MED13L: variants seen among roughly 807,000 people sequenced by gnomAD.
The protein encoded by MED13L is mediator complex subunit 13L.
A neutral mutation model predicts 220.9 loss-of-function variants in MED13L; 7 were observed. That is an observed-to-expected ratio of 0.03 (90% CI 0.02 to 0.06). The LOEUF (loss-of-function observed/expected upper bound fraction) is 0.06, where lower values mean the gene tolerates loss of function less well. MED13L is among the 10% of genes least tolerant of loss of function. The probability of loss-of-function intolerance (pLI) is 1.00; values close to 1 mark genes in which losing one functional copy is unlikely to be tolerated. For missense variants in MED13L, 1,965 were observed against 2,760.5 expected (o/e 0.71, Z 6.46); for synonymous variants, 1,011 against 1,015.2 (o/e 1.00, Z 0.08).
intron 4 of MED13L, among the ~76,000 whole-genome samples, chr12:116,064,116 G>A (rs1246263123): frequency 6.6e-6 from 1 of 152,048 alleles, no homozygotes; most frequent in East Asian, 1.9e-4. Flanking sequence ...CTTGAACCTT[G>A]AGGTTGAGTC....
Position 116,107,814 on chromosome 12 carries a change from G to A in MED13L, c.395+3614C>T, listed in dbSNP as rs1162266515. On this transcript the variant is annotated intron_variant, in intron 3 of 30. Coordinates refer to ENST00000281928, the MANE Select transcript of MED13L (RefSeq NM_015335.5). ...CTGTTTTAATATCCTCAGTTGGGCC[G>A]GGCGCCGTGGCTCATGCCTGCAATC... 5.9e-5 allele frequency among the ~76,000 whole-genome samples: 9 copies of A among 152,186 alleles called. No homozygotes were observed. The South Asian group carries it at 6.2e-4, about 11-fold the overall frequency.
intron 25 of MED13L, 140 bp from the exon 26 acceptor site, chr12:115,972,376 C>T (rs1311676248): frequency 3.9e-5 from 36 of 930,144 alleles, no homozygotes; most frequent in Middle Eastern, 6.2e-4. Context: ...ATATGTTCCC[C>T]TCCTTGCTAT....
At chr12:116,229,201 T>C (rs1869303110) in intron 2 of MED13L, among the ~76,000 whole-genome samples, 1 of 152,210 alleles carries the variant, frequency 6.6e-6, no homozygotes, top group Non-Finnish European at 1.5e-5. Context: ...TAAACACTTA[T>C]CTACCAGTCA....
intron 2 of MED13L, among the ~76,000 whole-genome samples, chr12:116,228,218 C>A (rs748833063): frequency 1.3e-5 from 2 of 152,178 alleles, no homozygotes; most frequent in African/African-American, 2.4e-5. Flanking sequence ...CATAAAGACA[C>A]AAGGAGAAGC....
Position 115,991,796 on chromosome 12 carries a change from G to A in MED13L, c.3158C>T (p.Thr1053Ile). 1 of 1,613,842 alleles carries A rather than the reference G, an allele frequency of 6.2e-7. No individual in the cohort carries two copies. Among genetic ancestry groups the A allele is most frequent in the African/African-American group, 1.3e-5 (1 of 74,986 alleles). ...TPRFSVPTPRTPRTPRTPRGG... is the reference protein window; with the variant it reads ...TPRFSVPTPRIPRTPRTPRGG... ...TCTGGGAGTTCTTGGGGTCCTGGGG[G>A]TTCGTGGTGTGGGGACAGAGAAGCG... Residue 1053 changes from threonine (T) to isoleucine (I), a missense_variant, in exon 17 of 31, where the codon ACC becomes ATC. Coordinates refer to ENST00000281928, the MANE Select transcript of MED13L (RefSeq NM_015335.5). This position sits in a 1 kb window ranked among gnomAD's most constrained non-coding sequence, Gnocchi z 7.7.
chr12:116,009,943 T>C (rs796083767), intron 9 of MED13L, among the ~76,000 whole-genome samples: 13 of 152,264 alleles, frequency 8.5e-5, no homozygotes, highest in African/African-American at 3.1e-4. Flanking sequence ...CCTCCCAATA[T>C]ATAAATCATT....
intron 2 of MED13L, among the ~76,000 whole-genome samples, chr12:116,161,977 C>T (rs1048252358): frequency 3.9e-5 from 6 of 151,966 alleles, no homozygotes; most frequent in Admixed American, 2.6e-4. Context: ...AAAAGAAACA[C>T]GATCTTGTAT....
intron 3 of MED13L, among the ~76,000 whole-genome samples, chr12:116,103,252 T>C (rs1873244053): frequency 6.6e-6 from 1 of 152,058 alleles, no homozygotes; most frequent in African/African-American, 2.4e-5. Context: ...TAAAATTATG[T>C]ACTTATTTAT....
chr12:115,986,860 A>G lies in MED13L; in HGVS notation c.4114+249T>C, dbSNP rs2241768. Among the ~76,000 whole-genome samples the G allele has an allele frequency of 0.45, 69,029 of 151,918 alleles. 15,917 individuals carry two copies. Among genetic ancestry groups the G allele is most frequent in the South Asian group, 0.5 (2,427 of 4,810 alleles). On this transcript the variant is annotated intron_variant, in intron 18 of 30. Transcript: ENST00000281928. ...ATGAAAATGCAGTGAGGATTGGGAA[A>G]ATGAGGAGAATCTAAAAAATGCACT...
intron 19 of MED13L, 138 bp downstream of exon 19, chr12:115,986,128 A>C: frequency 2.3e-6 from 2 of 886,718 alleles, no homozygotes; most frequent in Non-Finnish European, 3.6e-6. Context: ...TGGCCAATTC[A>C]ATTCTCTTCT....
intron 4 of MED13L, among the ~76,000 whole-genome samples, chr12:116,075,211 T>C (rs1418404459): frequency 6.6e-6 from 1 of 152,246 alleles, no homozygotes; most frequent in Non-Finnish European, 1.5e-5. Context: ...TGCAAGCAAC[T>C]TGGAATCAGA....
chr12:116,002,685 C>G (rs1458023441), intron 14 of MED13L, among the ~76,000 whole-genome samples: 5 of 152,164 alleles, frequency 3.3e-5, no homozygotes, highest in African/African-American at 1.2e-4. Flanking sequence ...TGAAAAATCA[C>G]TTGTGCAGCA....
At chr12:116,084,442 C>T (rs759027500) in intron 4 of MED13L, among the ~76,000 whole-genome samples, 74 of 152,108 alleles carry the variant, frequency 4.9e-4, no homozygotes, top group Non-Finnish European at 7.8e-4. Flanking sequence ...TCTATTTTCA[C>T]ATATTGTTAA....
chr12:116,172,456 T>C (rs887039121), intron 2 of MED13L, among the ~76,000 whole-genome samples: 3 of 152,176 alleles, frequency 2.0e-5, no homozygotes, highest in Non-Finnish European at 4.4e-5. Context: ...CTCTTCCAGG[T>C]TTCACTCTCT....
In MED13L at chr12:116,006,371, C is replaced by T; in HGVS notation, c.2279G>A (p.Gly760Asp). The change falls in exon 12 of 31, where the codon GGT becomes GAT. Residue 760 changes from glycine to aspartate, a missense_variant. This residue lies in a region of MED13L where 818 missense variants were observed against 1,041.2 expected (regional missense o/e 0.79). Coordinates refer to ENST00000281928, the MANE Select transcript of MED13L (RefSeq NM_015335.5). The part of the protein sequence containing the change: ...GFGTKDVTTP[G>D]HSTPVPDGKN... The stretch of plus-strand genomic sequence containing the variant: ...CCCATCAGGCACCGGCGTGGAATGA[C>T]CTGGTGTAGTGACATCCTTGGTACC... The T allele has an allele frequency of 6.2e-7, 1 of 1,613,986 alleles. No individual in the cohort carries two copies. The highest frequency in any genetic ancestry group is 1.3e-5 in the African/African-American group (1 of 75,016).
At chr12:116,011,291 T>C (rs192691649) in intron 9 of MED13L, among the ~76,000 whole-genome samples, 1 of 151,998 alleles carries the variant, frequency 6.6e-6, no homozygotes, top group Non-Finnish European at 1.5e-5. Context: ...TGCATATGGT[T>C]ATAAAAAAAA....
intron 5 of MED13L, among the ~76,000 whole-genome samples, chr12:116,021,716 A>T (rs966031244): frequency 1.3e-5 from 2 of 152,176 alleles, no homozygotes; most frequent in Non-Finnish European, 2.9e-5. Context: ...TCTAATAATG[A>T]CATATTAGAC....
At chr12:116,112,312 C>T (rs1874158655) in intron 2 of MED13L, among the ~76,000 whole-genome samples, 2 of 152,108 alleles carry the variant, frequency 1.3e-5, no homozygotes, top group Admixed American at 6.6e-5. Context: ...AGGATGAAAA[C>T]AACATTTACA....
chr12:116,037,565 C>A (rs532076650), intron 4 of MED13L, among the ~76,000 whole-genome samples: 32 of 152,250 alleles, frequency 2.1e-4, no homozygotes, highest in African/African-American at 7.2e-4. Context: ...AGTTAGCAAG[C>A]CCCATGGTCG....
Sources: allele counts gnomAD v4.1 joint callset (sites outside exome capture counted in the v4.1 genomes callset), GRCh38; gene constraint gnomAD v4.1.1; regional missense constraint gnomAD v4.1.1; non-coding constraint Gnocchi (gnomAD v3.1); transcripts MANE v1.5; gene names NCBI Gene and HGNC (gene_info 2026-07-23, HGNC 2026-07-21).